ANKRD31: variants seen among roughly 807,000 people sequenced by gnomAD.
ANKRD31 encodes ankyrin repeat domain-containing protein 31.
Under a neutral mutation model 186.0 loss-of-function variants are expected in ANKRD31, and 147 were observed. That is an observed-to-expected ratio of 0.79 (90% CI 0.69 to 0.91). ANKRD31 has a LOEUF of 0.91. Ranked by LOEUF, ANKRD31 falls within the 40% of genes least tolerant of loss-of-function variation. The pLI, the probability that ANKRD31 is intolerant of heterozygous loss-of-function variation, is 0.00. For synonymous variants in ANKRD31, 673 were observed against 736.4 expected (o/e 0.91, Z 1.39); for missense variants, 1,986 against 2,148.8 (o/e 0.92, Z 1.50).
chr5:75,072,416 A>G (rs1744309202), intron 25 of ANKRD31, among the ~76,000 whole-genome samples: 2 of 152,070 alleles, frequency 1.3e-5, no homozygotes, highest in Non-Finnish European at 1.5e-5. Flanking sequence ...TGATGGCTAG[A>G]GATTCATAGC....
At chr5:75,081,784 CT>C (rs1745103666) in intron 24 of ANKRD31, among the ~76,000 whole-genome samples, 1 of 151,730 alleles carries the variant, frequency 6.6e-6, no homozygotes, top group African/African-American at 2.4e-5. Context: ...GGATAGAGTA[CT>C]TTAGCAATTC....
intron 24 of ANKRD31, among the ~76,000 whole-genome samples, chr5:75,082,865 T>A (rs544780627): frequency 6.6e-6 from 1 of 152,224 alleles, no homozygotes; most frequent in Non-Finnish European, 1.5e-5. Flanking sequence ...AAATAACAAG[T>A]ATTGCAGAGA....
intron 12 of ANKRD31, among the ~76,000 whole-genome samples, chr5:75,151,548 C>T (rs572476117): frequency 1.3e-5 from 2 of 152,160 alleles, no homozygotes; most frequent in East Asian, 3.9e-4. Context: ...TTCACTTCCA[C>T]CATGATTGTA....
In ANKRD31 at chr5:75,206,471, A is replaced by T; in HGVS notation, c.343T>A (p.Ser115Thr). 6.9e-7 allele frequency: 1 copy of T among 1,455,368 alleles called. No homozygotes were observed. 90.2% of individuals were successfully genotyped at this position (1,455,368 alleles called of 1,614,324 possible). Residue 115 changes from serine (S) to threonine (T), a missense_variant, in exon 5 of 26, where the codon TCA (serine) becomes ACA (threonine). Transcript: ENST00000506364. ...TGGCGAAACGACCCAATGAACATTG[A>T]ACAGTTTTTTCTAGTCCTAAAAAAT... ...QALLQTRKNCSMFIGSFRQSG... is the reference protein window; with the variant it reads ...QALLQTRKNCTMFIGSFRQSG...
rs193210006 is a variant in ANKRD31 at position 75,229,744 on chromosome 5, A to T, written c.178+818T>A. ...GTTGGGTGTAGTGGTGCGTGCACATAGTCCCAGCTACTCGCGAGGCTGAGG... is the reference window on the plus strand; with the variant it reads ...GTTGGGTGTAGTGGTGCGTGCACATTGTCCCAGCTACTCGCGAGGCTGAGG... On this transcript the variant is annotated intron_variant, in intron 2 of 25. Coordinates refer to ENST00000506364, the MANE Select transcript of ANKRD31 (RefSeq NM_001372053.1). 9.2e-5 allele frequency among the ~76,000 whole-genome samples: 14 copies of T among 151,798 alleles called. No homozygotes were observed. The South Asian group carries it at 1.3e-3, about 14-fold the overall frequency.
intron 22 of ANKRD31, among the ~76,000 whole-genome samples, chr5:75,100,575 T>A (rs1198542382): frequency 2.0e-5 from 3 of 152,186 alleles, no homozygotes; most frequent in Non-Finnish European, 2.9e-5. Flanking sequence ...TTTGTAGGTC[T>A]CTAAGGACTT....
chr5:75,181,940 T>A (rs560114570), intron 10 of ANKRD31, among the ~76,000 whole-genome samples: 117 of 149,884 alleles, frequency 7.8e-4, no homozygotes, highest in African/African-American at 2.7e-3. Flanking sequence ...TCAAAAAAAA[T>A]AAAAAATAAA....
chr5:75,175,851 G>A (rs1047859634), intron 10 of ANKRD31, among the ~76,000 whole-genome samples: 20 of 152,044 alleles, frequency 1.3e-4, no homozygotes, highest in African/African-American at 3.9e-4. Context: ...CTGCGGTACC[G>A]AGTTCATCTC....
intron 10 of ANKRD31, 106 bp downstream of exon 10, chr5:75,188,387 T>C: frequency 9.2e-7 from 1 of 1,088,628 alleles, no homozygotes; most frequent in African/African-American, 1.6e-5. Context: ...GAAAGCCTTC[T>C]GTTTGGAACT....
At chr5:75,155,969 T>A (rs1265946575) in intron 11 of ANKRD31, among the ~76,000 whole-genome samples, 1 of 151,934 alleles carries the variant, frequency 6.6e-6, no homozygotes, top group Non-Finnish European at 1.5e-5. Flanking sequence ...TGCAGTGGCA[T>A]GATCTTAGCT....
intron 10 of ANKRD31, among the ~76,000 whole-genome samples, chr5:75,182,002 A>G (rs868851332): frequency 1.3e-5 from 2 of 152,178 alleles, no homozygotes; most frequent in Non-Finnish European, 2.9e-5. Context: ...ACCAAAATAA[A>G]GATGGATTGA....
intron 10 of ANKRD31, among the ~76,000 whole-genome samples, chr5:75,172,664 T>C (rs1262907437): frequency 6.6e-6 from 1 of 152,244 alleles, no homozygotes; most frequent in South Asian, 2.1e-4. Flanking sequence ...CCTCGACACA[T>C]ACACCCTCCC....
chr5:75,165,864 G>A (rs920057108), intron 11 of ANKRD31, among the ~76,000 whole-genome samples: 2 of 152,150 alleles, frequency 1.3e-5, no homozygotes, highest in Non-Finnish European at 2.9e-5. Flanking sequence ...TATGATGTAT[G>A]AGGCTTAATG....
Position 75,112,527 on chromosome 5 carries a change from T to C in ANKRD31, c.4229A>G (p.Asn1410Ser), listed in dbSNP as rs1007636078. ...TCTATATTTACCTGCATCTTCAGGG[T>C]TTCTTATTTCAAACTCTAATAAATA... is the stretch of plus-strand genomic sequence containing the variant. ...QEYLLEFEIR[N>S]PEDAEQYIEK... is the part of the protein sequence containing the mutation. The change falls in exon 20 of 26, where the codon AAC (asparagine) becomes AGC (serine). Residue 1410 changes from asparagine to serine, a missense_variant. Transcript: ENST00000506364. 1.5e-5 allele frequency: 22 copies of C among 1,511,094 alleles called. No individual in the cohort carries two copies. In the Admixed American group the frequency reaches 4.2e-4, roughly 29 times the overall value. 93.6% of individuals were successfully genotyped at this position (1,511,094 alleles called of 1,614,324 possible).
At chr5:75,206,522 T>A (rs1201119818) in intron 4 of ANKRD31, 35 bp from the exon 5 acceptor site, 2 of 1,256,022 alleles carry the variant, frequency 1.6e-6, no homozygotes, top group Admixed American at 3.3e-5. Context: ...AATTTTAAAA[T>A]GGAAGAAAAA....
intron 22 of ANKRD31, among the ~76,000 whole-genome samples, chr5:75,094,304 T>A (rs1265864762): frequency 6.6e-6 from 1 of 152,138 alleles, no homozygotes; most frequent in Non-Finnish European, 1.5e-5. Context: ...TCTTTAAAAG[T>A]CACAAAATTT....
chr5:75,096,644 T>C (rs557720630), intron 22 of ANKRD31, among the ~76,000 whole-genome samples: 2 of 152,070 alleles, frequency 1.3e-5, no homozygotes, highest in East Asian at 3.9e-4. Context: ...TATATTTAAG[T>C]CTTTAATCCA....
Position 75,091,250 on chromosome 5 carries a change from G to C in ANKRD31, c.5472+11C>G, listed in dbSNP as rs1029165472. The C allele has an allele frequency of 2.2e-5, 33 of 1,519,478 alleles. No individual in the cohort carries two copies. The highest frequency in any genetic ancestry group is 2.8e-5 in the Non-Finnish European group (32 of 1,141,594). The allele number at this position is 1,519,478 out of a possible 1,614,324, so 94.1% of individuals were successfully genotyped here. ...AATATGAAGTTAAAGATAAACTTAA[G>C]AATGACCCACCTTACTCCAAGCATA... On this transcript the variant is annotated intron_variant, in intron 23 of 25. Coordinates refer to ENST00000506364, the MANE Select transcript of ANKRD31 (RefSeq NM_001372053.1).
intron 2 of ANKRD31, among the ~76,000 whole-genome samples, chr5:75,226,441 T>C (rs1757633368): frequency 6.6e-6 from 1 of 152,092 alleles, no homozygotes; most frequent in African/African-American, 2.4e-5. Context: ...ACAGGAGTAC[T>C]TTAGGTCTGT....
Sources: allele counts gnomAD v4.1 joint callset (sites outside exome capture counted in the v4.1 genomes callset), GRCh38; gene constraint gnomAD v4.1.1; transcripts MANE v1.5; gene names NCBI Gene and HGNC (gene_info 2026-07-23, HGNC 2026-07-21).